The following ZNHIT6 variants were observed in gnomAD, a reference collection of about 807,000 sequenced individuals.
ZNHIT6 encodes zinc finger HIT-type containing 6, also known as box C/D snoRNA protein 1.
A neutral mutation model predicts 57.2 loss-of-function variants in ZNHIT6; 45 were observed. The ratio of observed to expected loss-of-function variants is 0.79; its 90% CI spans 0.62 to 1.01. ZNHIT6 has a LOEUF of 1.01. Among genes scored for constraint, ZNHIT6 ranks in the 50% least tolerant of loss-of-function variants. The pLI, the probability that ZNHIT6 is intolerant of heterozygous loss-of-function variation, is 0.00. For synonymous variants in ZNHIT6, 188 were observed against 190.0 expected, an observed-to-expected ratio of 0.99 and a Z score of 0.09; for missense variants, 528 against 567.3, an observed-to-expected ratio of 0.93 and a Z score of 0.70.
At chr1:85,671,456 TA>T (rs948600412) in intron 8 of ZNHIT6, among the ~76,000 whole-genome samples, 37 of 149,656 alleles carry the variant, frequency 2.5e-4, no homozygotes, top group East Asian at 7.8e-4. Context: ...CCCTGTCTCT[TA>T]AAAAAAAAAT....
chr1:85,703,111 AG>A (rs1232540819), intron 4 of ZNHIT6, among the ~76,000 whole-genome samples: 1 of 152,192 alleles, frequency 6.6e-6, no homozygotes. Context: ...CTTTAGTTTC[AG>A]TAATGGTAGT....
At chr1:85,707,250 A>C (rs1484713931) in intron 1 of ZNHIT6, among the ~76,000 whole-genome samples, 1 of 152,196 alleles carries the variant, frequency 6.6e-6, no homozygotes, top group Admixed American at 6.5e-5. Context: ...GTTTTAACTT[A>C]ATCTACTTTG....
In ZNHIT6 at chr1:85,667,325, A is replaced by G. The variant is rs550004562; in HGVS notation, c.1248-9354T>C. Among the ~76,000 whole-genome samples, 7 of 152,294 alleles carry G rather than the reference A, an allele frequency of 4.6e-5. No homozygotes were observed. The East Asian group carries it at 1.4e-3, about 29-fold the overall frequency. ...TACTTACTATATTCCATAAAGATAC[A>G]TATTAGCCCCCAGATTTAACCTTGA... On this transcript the variant is annotated intron_variant, in intron 8 of 9. Transcript: ENST00000370574.
Position 85,707,655 on chromosome 1 carries a change from G to C in ZNHIT6, c.630C>G (p.Gly210=). 1 of 1,556,728 alleles carries C rather than the reference G, an allele frequency of 6.4e-7. No individual in the cohort carries two copies. Among genetic ancestry groups the C allele is most frequent in the Non-Finnish European group, 8.6e-7 (1 of 1,156,090 alleles). Residue 210 remains glycine, a synonymous_variant, in exon 1 of 10, where the codon GGC becomes GGG. Coordinates refer to ENST00000370574, the MANE Select transcript of ZNHIT6 (RefSeq NM_017953.4). ...TTGACATGGCCAGTTTCCGCTTGCA[G>C]CCCACCGGGTGATTTATCGGAGGCT... The part of the protein sequence containing the change: ...KEEPPINHPV[G]CKRKLAMSRC...
intron 9 of ZNHIT6, among the ~76,000 whole-genome samples, chr1:85,654,759 C>T (rs533232726): frequency 4.6e-5 from 7 of 152,184 alleles, no homozygotes; most frequent in South Asian, 4.1e-4. Context: ...AAATGGGAAC[C>T]GGAGTAAGTG....
chr1:85,676,583 T>G (rs778381987), intron 8 of ZNHIT6, among the ~76,000 whole-genome samples: 7 of 152,168 alleles, frequency 4.6e-5, no homozygotes, highest in Non-Finnish European at 8.8e-5. Context: ...CAGGCCATTG[T>G]GTGGTTATTA....
At chr1:85,691,767 T>C (rs1662227306) in intron 5 of ZNHIT6, among the ~76,000 whole-genome samples, 1 of 151,982 alleles carries the variant, frequency 6.6e-6, no homozygotes, top group African/African-American at 2.4e-5. Flanking sequence ...AAGCCTGTAG[T>C]CTCAGCTCCC....
chr1:85,668,893 T>A (rs1047316618), intron 8 of ZNHIT6, among the ~76,000 whole-genome samples: 1 of 152,172 alleles, frequency 6.6e-6, no homozygotes, highest in African/African-American at 2.4e-5. Flanking sequence ...GAACCAAAAA[T>A]GTCCTCAAAG....
rs946370010 is a variant in ZNHIT6 at position 85,651,926 on chromosome 1, T to C, written c.*2132A>G. On this transcript the variant is annotated 3_prime_UTR_variant, in exon 10 of 10. Transcript: ENST00000370574. ...ATTGTAAATCTTACGGGAAAAAATATGCATATTAATCAAATGAGTTGATAA... is the reference window on the plus strand; with the variant it reads ...ATTGTAAATCTTACGGGAAAAAATACGCATATTAATCAAATGAGTTGATAA... 9 of 152,190 alleles carry C rather than the reference T, an allele frequency of 5.9e-5. No individual in the cohort carries two copies. Among genetic ancestry groups the C allele is most frequent in the Admixed American group, 6.5e-5 (1 of 15,268 alleles). The allele number at this position is 152,190 out of a possible 1,614,324, so 9.4% of individuals were successfully genotyped here.
chr1:85,655,645 C>CT (rs1455133205), intron 9 of ZNHIT6, among the ~76,000 whole-genome samples: 3 of 152,086 alleles, frequency 2.0e-5, no homozygotes, highest in African/African-American at 7.2e-5. Context: ...ATGCAGCATG[C>CT]TTTTCTCCCT....
chr1:85,662,494 A>T, intron 8 of ZNHIT6, among the ~76,000 whole-genome samples: 1 of 50,890 alleles, frequency 2.0e-5, no homozygotes, highest in Middle Eastern at 8.9e-3. Context: ...AAGTTCAACT[A>T]AATTATTCCA....
Position 85,708,192 on chromosome 1 carries a change from C to T in ZNHIT6, c.93G>A (p.Glu31=). ...GVRLSPEPGR[E]GVRDLAGAEE... is the part of the protein sequence containing the mutation. ...CCGCCCCTGCTAAGTCCCTTACTCC[C>T]TCCCTGCCAGGCTCTGGACTTAGCC... is the stretch of plus-strand genomic sequence containing the variant. Residue 31 remains glutamate (E), a synonymous_variant, in exon 1 of 10, where the codon GAG becomes GAA. Coordinates refer to ENST00000370574, the MANE Select transcript of ZNHIT6 (RefSeq NM_017953.4). 6.2e-7 allele frequency: 1 copy of T among 1,614,202 alleles called. No individual in the cohort carries two copies. Among genetic ancestry groups the T allele is most frequent in the Non-Finnish European group, 8.5e-7 (1 of 1,180,044 alleles).
intron 8 of ZNHIT6, among the ~76,000 whole-genome samples, chr1:85,667,985 T>TATATATATGC (rs1223836311): frequency 7.7e-4 from 77 of 99,616 alleles, no homozygotes; most frequent in Non-Finnish European, 1.3e-3. Context: ...TATATATATA[T>TATATATATGC]GCTCTGCTTT....
intron 5 of ZNHIT6, among the ~76,000 whole-genome samples, chr1:85,693,009 AAGAC>A (rs1206136006): frequency 6.6e-6 from 1 of 152,072 alleles, no homozygotes; most frequent in Non-Finnish European, 1.5e-5. Flanking sequence ...CTGTAAGTAA[AAGAC>A]AGACACACAA....
intron 8 of ZNHIT6, among the ~76,000 whole-genome samples, chr1:85,668,901 A>G (rs1379526187): frequency 6.6e-6 from 1 of 152,212 alleles, no homozygotes; most frequent in African/African-American, 2.4e-5. Context: ...AATGTCCTCA[A>G]AGAGTTTACC....
chr1:85,689,725 G>T (rs1439658520), intron 5 of ZNHIT6, among the ~76,000 whole-genome samples: 2 of 152,124 alleles, frequency 1.3e-5, no homozygotes, highest in Non-Finnish European at 2.9e-5. Context: ...GGGAGGGCTG[G>T]GAGTATGGGG....
At chr1:85,703,055 A>T (rs1662581416) in intron 4 of ZNHIT6, among the ~76,000 whole-genome samples, 1 of 152,214 alleles carries the variant, frequency 6.6e-6, no homozygotes, top group Admixed American at 6.5e-5. Context: ...TTGGCTAAGT[A>T]GGAAACTGTT....
chr1:85,694,328 C>T (rs2100705966), intron 5 of ZNHIT6, among the ~76,000 whole-genome samples: 1 of 151,900 alleles, frequency 6.6e-6, no homozygotes, highest in South Asian at 2.1e-4. Context: ...CTGAAATGCA[C>T]CAAAAATAAA....
rs1660895693 is a variant in ZNHIT6 at position 85,651,193 on chromosome 1, G to C, written c.*2865C>G. On this transcript the variant is annotated 3_prime_UTR_variant, in exon 10 of 10. Transcript: ENST00000370574. ...CTACTTGCTACAGGGAAACAAACTG[G>C]ATCAACTACATTTTGGAATCTTAAA... The C allele has an allele frequency of 6.6e-6, 1 of 151,858 alleles. No individual in the cohort carries two copies. The highest frequency in any genetic ancestry group is 1.5e-5 in the Non-Finnish European group (1 of 67,940). The allele number at this position is 151,858 out of a possible 1,614,324, so 9.4% of individuals were successfully genotyped here. A position where few individuals can be genotyped will look rare whatever the true frequency, so the allele number is the denominator to read the frequency against.
Sources: gnomAD v4.1 joint callset for allele counts (sites outside exome capture counted in the v4.1 genomes callset) on GRCh38, gnomAD v4.1.1 for gene constraint, MANE v1.5 for transcripts, NCBI Gene and HGNC (gene_info 2026-07-23, HGNC 2026-07-21) for gene names.